PRPF18: variants seen among roughly 807,000 people sequenced by gnomAD.
The protein encoded by PRPF18 is pre-mRNA-splicing factor 18.
In PRPF18, 38 loss-of-function variants were observed where a neutral mutation model predicts 46.5. The ratio of observed to expected loss-of-function variants is 0.82; its 90% CI spans 0.63 to 1.07. The LOEUF (loss-of-function observed/expected upper bound fraction) is 1.07, where lower values mean the gene tolerates loss of function less well. Among genes scored for constraint, PRPF18 ranks in the 50% least tolerant of loss-of-function variants. The probability of loss-of-function intolerance (pLI) is 0.00; values close to 1 mark genes in which losing one functional copy is unlikely to be tolerated. For synonymous variants in PRPF18, 152 were observed against 146.7 expected (o/e 1.04, Z -0.26); for missense variants, 263 against 410.0 (o/e 0.64, Z 3.10).
chr10:13,611,003 A>C (rs563681722), intron 5 of PRPF18, among the ~76,000 whole-genome samples: 4 of 152,324 alleles, frequency 2.6e-5, no homozygotes, highest in Admixed American at 2.6e-4. Flanking sequence ...AAAGTTCTTA[A>C]TGCTTAAGGA....
chr10:13,598,921 G>T (rs1406402111), intron 2 of PRPF18, among the ~76,000 whole-genome samples: 1 of 141,654 alleles, frequency 7.1e-6, no homozygotes, highest in Non-Finnish European at 1.6e-5. Flanking sequence ...TGTTTAGTGT[G>T]TTTTTTTGTT....
At chr10:13,608,696 T>C (rs2080226326) in intron 4 of PRPF18, among the ~76,000 whole-genome samples, 1 of 152,252 alleles carries the variant, frequency 6.6e-6, no homozygotes, top group Non-Finnish European at 1.5e-5. Context: ...GTGTACTTAC[T>C]GTTTTTCGCT....
At chr10:13,637,623 G>A in the PRPF18 span, among the ~76,000 whole-genome samples, 2 of 152,078 alleles carry the variant, frequency 1.3e-5, no homozygotes, top group African/African-American at 4.8e-5. Flanking sequence ...GCCACCCTTT[G>A]TGCCAGGTTA....
At chr10:13,616,017 C>T (rs1193780884) in intron 8 of PRPF18, among the ~76,000 whole-genome samples, 1 of 152,002 alleles carries the variant, frequency 6.6e-6, no homozygotes, top group Admixed American at 6.6e-5. Flanking sequence ...TCTACATGAC[C>T]CCCTGTGGAG....
At chr10:13,589,496 A>C (rs975573620) in intron 1 of PRPF18, among the ~76,000 whole-genome samples, 1 of 152,230 alleles carries the variant, frequency 6.6e-6, no homozygotes, top group African/African-American at 2.4e-5. Flanking sequence ...TTGTTTAGAG[A>C]AACTGGCTCC....
chr10:13,607,562 C>T (rs1326796566), intron 4 of PRPF18, among the ~76,000 whole-genome samples: 1 of 152,192 alleles, frequency 6.6e-6, no homozygotes, highest in East Asian at 1.9e-4. Context: ...CAGGTGTGTG[C>T]CACCATGCCT....
rs753750625 is a variant in PRPF18 at position 13,606,463 on chromosome 10, G to A, written c.363+719G>A. ...TTAGGAATAAAACTGCTGGCTGGGC[G>A]TGGTGGCACAAGCCTGTAATCCCAG... is the stretch of plus-strand genomic sequence containing the variant. On this transcript the variant is annotated intron_variant, in intron 4 of 9. Transcript: ENST00000378572. Among the ~76,000 whole-genome samples, 13 of 152,200 alleles carry A rather than the reference G, an allele frequency of 8.5e-5. No individual in the cohort carries two copies. In the East Asian group the frequency reaches 1.2e-3, roughly 14 times the overall value.
At chr10:13,613,928 A>T in intron 7 of PRPF18, 47 bp downstream of exon 7, 1 of 1,583,936 alleles carries the variant, frequency 6.3e-7, no homozygotes, top group Non-Finnish European at 8.6e-7. Flanking sequence ...TTAAAAATAC[A>T]GTATAAATTT....
chr10:13,588,780 A>G (rs1364670501), intron 1 of PRPF18, among the ~76,000 whole-genome samples: 1 of 152,156 alleles, frequency 6.6e-6, no homozygotes, highest in African/African-American at 2.4e-5. Flanking sequence ...CCTGAAGATG[A>G]TCTCCCTTAC....
the PRPF18 span, chr10:13,651,653 A>G: frequency 4.4e-6 from 2 of 456,598 alleles, no homozygotes; most frequent in East Asian, 4.0e-5. Flanking sequence ...AGCCTGGGCA[A>G]CAGAACAAGA....
intron 2 of PRPF18, 157 bp downstream of exon 2, chr10:13,597,692 A>G: frequency 1.9e-6 from 3 of 1,585,636 alleles, no homozygotes; most frequent in Non-Finnish European, 2.6e-6. Flanking sequence ...TTGTTTTTGC[A>G]TTTTTAAAAA....
chr10:13,603,309 T>G (rs2133429483), intron 3 of PRPF18, among the ~76,000 whole-genome samples: 1 of 150,764 alleles, frequency 6.6e-6, no homozygotes, highest in East Asian at 2.0e-4. Context: ...GTGGTGGTGG[T>G]GGTGGTGGTG....
chr10:13,611,920 C>G (rs1264783769), intron 6 of PRPF18, among the ~76,000 whole-genome samples: 1 of 148,748 alleles, frequency 6.7e-6, no homozygotes, highest in Non-Finnish European at 1.5e-5. Context: ...GCTCTTGTCT[C>G]TCAAGCTGGG....
the PRPF18 span, chr10:13,647,850 A>G: frequency 6.6e-6 from 1 of 151,770 alleles, no homozygotes; most frequent in Non-Finnish European, 1.5e-5. Context: ...ATTACTAGGG[A>G]TCATGATTCG....
chr10:13,598,670 T>C (rs1175702870), intron 2 of PRPF18, among the ~76,000 whole-genome samples: 1 of 152,200 alleles, frequency 6.6e-6, no homozygotes, highest in African/African-American at 2.4e-5. Flanking sequence ...TTTGTTTTAT[T>C]TGCTTAATTA....
chr10:13,654,054 T>TC, the PRPF18 span: 1 of 434,828 alleles, frequency 2.3e-6, no homozygotes, highest in South Asian at 4.8e-5. Context: ...GCTCTCTTTC[T>TC]CCCCCTGACA....
At chr10:13,616,619 G>A in intron 9 of PRPF18, 66 bp downstream of exon 9, 1 of 1,572,998 alleles carries the variant, frequency 6.4e-7, no homozygotes, top group Non-Finnish European at 8.7e-7. Flanking sequence ...AAAACTCTAA[G>A]TCTGGAAAGC....
At chr10:13,625,491 A>G (rs930229514) in intron 9 of PRPF18, among the ~76,000 whole-genome samples, 1 of 152,234 alleles carries the variant, frequency 6.6e-6, no homozygotes. Context: ...AAAAGCAGGA[A>G]AGGTAAGAAA....
chr10:13,633,439 G>C (rs1262316296), downstream of PRPF18, among the ~76,000 whole-genome samples: 2 of 152,132 alleles, frequency 1.3e-5, no homozygotes, highest in South Asian at 2.1e-4. Flanking sequence ...CCTTTTTGTT[G>C]GAAAGAAAGT....
Sources: gnomAD v4.1 joint callset for allele counts (sites outside exome capture counted in the v4.1 genomes callset) on GRCh38, gnomAD v4.1.1 for gene constraint, MANE v1.5 for transcripts, NCBI Gene and HGNC (gene_info 2026-07-23, HGNC 2026-07-21) for gene names.